MYRIP: variants seen among roughly 807,000 people sequenced by gnomAD.
MYRIP encodes the protein rab effector MyRIP.
A neutral mutation model predicts 98.0 loss-of-function variants in MYRIP; 49 were observed. The ratio of observed to expected loss-of-function variants is 0.50; its 90% CI spans 0.40 to 0.63. The LOEUF (loss-of-function observed/expected upper bound fraction) is 0.63, where lower values mean the gene tolerates loss of function less well. Ranked by LOEUF, MYRIP falls within the 30% of genes least tolerant of loss-of-function variation. The probability of loss-of-function intolerance (pLI) is 0.00; values close to 1 mark genes in which losing one functional copy is unlikely to be tolerated. For synonymous variants in MYRIP, 404 were observed against 409.5 expected (o/e 0.99, Z 0.16); for missense variants, 1,004 against 1,058.2 (o/e 0.95, Z 0.71).
chr3:40,235,231 TC>T (rs1952794989), intron 12 of MYRIP, among the ~76,000 whole-genome samples: 1 of 152,028 alleles, frequency 6.6e-6, no homozygotes, highest in African/African-American at 2.4e-5. Context: ...ATTCCTATGC[TC>T]CCCAATAAGG....
At chr3:39,830,946 G>A (rs933630071) in intron 1 of MYRIP, among the ~76,000 whole-genome samples, 9 of 152,130 alleles carry the variant, frequency 5.9e-5, no homozygotes, top group South Asian at 2.1e-4. Context: ...CAACTTCACC[G>A]GAAACTTTCA....
In MYRIP at chr3:40,195,263, A is replaced by G. The variant is rs377269917; in HGVS notation, c.1665+4800A>G. Among the ~76,000 whole-genome samples, 15 of 152,302 alleles carry G rather than the reference A, an allele frequency of 9.8e-5. No homozygotes were observed. The South Asian group carries it at 3.1e-3, about 32-fold the overall frequency. On this transcript the variant is annotated intron_variant, in intron 10 of 16. Transcript: ENST00000302541. ...GAACGTGACTGCTTTTTGGCAGTAG[A>G]TGATCATAGACTTTTTCTTTTTTAT...
intron 2 of MYRIP, among the ~76,000 whole-genome samples, chr3:39,912,414 T>C (rs1944044086): frequency 6.6e-6 from 1 of 152,202 alleles, no homozygotes; most frequent in Non-Finnish European, 1.5e-5. Flanking sequence ...TAGTACCTAA[T>C]CAATTATGGT....
chr3:39,927,335 G>A (rs1944440231), intron 2 of MYRIP, among the ~76,000 whole-genome samples: 1 of 151,912 alleles, frequency 6.6e-6, no homozygotes, highest in Admixed American at 6.6e-5. Context: ...TTGCCTGATT[G>A]CTCTGGCTAG....
At chr3:40,218,613 T>C (rs1352160418) in intron 11 of MYRIP, among the ~76,000 whole-genome samples, 5,406 of 16,036 alleles carry the variant, frequency 0.34, 512 homozygotes, top group East Asian at 0.45. Flanking sequence ...ATATATATTT[T>C]ATATATATAT....
chr3:40,080,010 G>A (rs1948439726), intron 3 of MYRIP, among the ~76,000 whole-genome samples: 1 of 152,098 alleles, frequency 6.6e-6, no homozygotes, highest in South Asian at 2.1e-4. Context: ...AAAATCTCCA[G>A]TGAAAGCTGA....
intron 2 of MYRIP, among the ~76,000 whole-genome samples, chr3:40,001,517 G>T (rs1946519058): frequency 6.6e-6 from 1 of 152,164 alleles, no homozygotes; most frequent in Non-Finnish European, 1.5e-5. Context: ...ATAAAGAAAT[G>T]GTAGGAATCA....
chr3:40,144,516 T>C (rs2125565503), intron 3 of MYRIP, among the ~76,000 whole-genome samples: 1 of 152,322 alleles, frequency 6.6e-6, no homozygotes, highest in East Asian at 1.9e-4. Flanking sequence ...ACTGATACCA[T>C]GTGGACCCTT....
At chr3:39,967,081 A>G (rs1945461416) in intron 2 of MYRIP, among the ~76,000 whole-genome samples, 1 of 152,218 alleles carries the variant, frequency 6.6e-6, no homozygotes, top group Non-Finnish European at 1.5e-5. Context: ...ATTTAGGGGC[A>G]GACAGTATAT....
At chr3:39,885,091 G>T (rs1336539271) in intron 1 of MYRIP, among the ~76,000 whole-genome samples, 1 of 151,418 alleles carries the variant, frequency 6.6e-6, no homozygotes, top group Non-Finnish European at 1.5e-5. Context: ...AAAGCCAATA[G>T]GTTAAATAAC....
intron 1 of MYRIP, among the ~76,000 whole-genome samples, chr3:39,835,828 G>A (rs1941602462): frequency 6.6e-6 from 1 of 152,114 alleles, no homozygotes; most frequent in African/African-American, 2.4e-5. Flanking sequence ...CCACTTATGA[G>A]TGAGAACATG....
intron 4 of MYRIP, among the ~76,000 whole-genome samples, chr3:40,154,592 G>C (rs1464454877): frequency 6.6e-6 from 1 of 152,112 alleles, no homozygotes; most frequent in Non-Finnish European, 1.5e-5. Context: ...TGCAGGACGT[G>C]CAGGTTTGTT....
intron 2 of MYRIP, among the ~76,000 whole-genome samples, chr3:40,001,769 A>T (rs1206763412): frequency 6.6e-6 from 1 of 152,206 alleles, no homozygotes; most frequent in African/African-American, 2.4e-5. Context: ...ACTAGAATGG[A>T]CCAGGGAAGA....
intron 9 of MYRIP, among the ~76,000 whole-genome samples, chr3:40,183,549 G>T (rs923331161): frequency 6.6e-6 from 1 of 152,200 alleles, no homozygotes; most frequent in African/African-American, 2.4e-5. Flanking sequence ...ACCCATCACT[G>T]TGGGTGACGG....
At chr3:40,045,363 G>T (rs971441617) in intron 3 of MYRIP, among the ~76,000 whole-genome samples, 2 of 152,088 alleles carry the variant, frequency 1.3e-5, no homozygotes, top group Admixed American at 1.3e-4. Flanking sequence ...AGTATCCAAG[G>T]CTGGGTGCTA....
intron 1 of MYRIP, among the ~76,000 whole-genome samples, chr3:39,878,380 C>T (rs1943067112): frequency 6.6e-6 from 1 of 152,184 alleles, no homozygotes; most frequent in South Asian, 2.1e-4. Flanking sequence ...CTGGCACTCA[C>T]TAGTGAGATG....
intron 2 of MYRIP, among the ~76,000 whole-genome samples, chr3:39,904,199 T>C (rs1943819839): frequency 6.6e-6 from 1 of 152,220 alleles, no homozygotes; most frequent in Non-Finnish European, 1.5e-5. Context: ...TTCTGCTATT[T>C]AAATTTTTTA....
intron 3 of MYRIP, among the ~76,000 whole-genome samples, chr3:40,054,827 G>A (rs888176682): frequency 3.3e-5 from 5 of 152,288 alleles, no homozygotes; most frequent in South Asian, 2.1e-4. Flanking sequence ...CTTGGCAACC[G>A]TCATCGTCTG....
intron 2 of MYRIP, among the ~76,000 whole-genome samples, chr3:39,960,268 C>T (rs1945289333): frequency 6.6e-6 from 1 of 152,068 alleles, no homozygotes; most frequent in Non-Finnish European, 1.5e-5. Context: ...GTCCCTCTCC[C>T]CCCATTCTTT....
Sources: gnomAD v4.1 joint callset for allele counts (sites outside exome capture counted in the v4.1 genomes callset) on GRCh38, gnomAD v4.1.1 for gene constraint, MANE v1.5 for transcripts, NCBI Gene and HGNC (gene_info 2026-07-23, HGNC 2026-07-21) for gene names.